The following ADAMTS6 variants were observed in gnomAD, a reference collection of about 807,000 sequenced individuals.
ADAMTS6 encodes the protein ADAM metallopeptidase with thrombospondin type 1 motif 6.
In ADAMTS6, 23 loss-of-function variants were observed where a neutral mutation model predicts 144.3. The observed-to-expected ratio is 0.16, with a 90% confidence interval of 0.11 to 0.23. The LOEUF (loss-of-function observed/expected upper bound fraction) is 0.23, where lower values mean the gene tolerates loss of function less well. Ranked by LOEUF, ADAMTS6 falls within the 10% of genes least tolerant of loss-of-function variation. ADAMTS6 has a pLI of 1.00. For synonymous variants in ADAMTS6, 444 were observed against 457.5 expected, an observed-to-expected ratio of 0.97 and a Z score of 0.38; for missense variants, 999 against 1,379.6, an observed-to-expected ratio of 0.72 and a Z score of 4.37.
chr5:65,441,360 C>T (rs1183523601), intron 7 of ADAMTS6, among the ~76,000 whole-genome samples: 3 of 152,012 alleles, frequency 2.0e-5, no homozygotes, highest in Non-Finnish European at 4.4e-5. Flanking sequence ...CCAAATATAT[C>T]TGCAATTAAA....
chr5:65,267,508 A>T lies in ADAMTS6; in HGVS notation c.1621-4546T>A, dbSNP rs1448586323. ...TTTCAACACAATCTAGAAAGATGGTATATTCCAGTCAGGCTTTAAGAGCCT... is the reference window on the plus strand; with the variant it reads ...TTTCAACACAATCTAGAAAGATGGTTTATTCCAGTCAGGCTTTAAGAGCCT... On this transcript the variant is annotated intron_variant, in intron 12 of 24. Transcript: ENST00000381055. Among the ~76,000 whole-genome samples, 7 of 152,152 alleles carry T rather than the reference A, an allele frequency of 4.6e-5. No homozygotes were observed. The South Asian group carries it at 1.4e-3, about 31-fold the overall frequency.
chr5:65,475,030 C>G (rs1760749221), intron 1 of ADAMTS6, among the ~76,000 whole-genome samples: 1 of 151,600 alleles, frequency 6.6e-6, no homozygotes, highest in Non-Finnish European at 1.5e-5. Context: ...GGAAAGTACA[C>G]AAAAGAGATT....
intron 14 of ADAMTS6, among the ~76,000 whole-genome samples, chr5:65,250,295 G>A (rs1435464915): frequency 6.6e-6 from 1 of 152,136 alleles, no homozygotes; most frequent in Non-Finnish European, 1.5e-5. Context: ...ATTTGCCAAG[G>A]TCAAATAGCA....
At chr5:65,437,034 G>C (rs116922976) in intron 7 of ADAMTS6, among the ~76,000 whole-genome samples, 2,675 of 152,126 alleles carry the variant, frequency 0.018, 177 homozygotes, top group East Asian at 0.17. Flanking sequence ...CATAGCAAAA[G>C]GTGAAAGACA....
chr5:65,283,633 T>A lies in ADAMTS6; in HGVS notation c.1512+7696A>T, dbSNP rs117523359. 1.1e-3 allele frequency among the ~76,000 whole-genome samples: 168 copies of A among 152,266 alleles called. No homozygotes were observed. The East Asian group carries it at 0.029, about 27-fold the overall frequency. ...AATATATGTTTGGATTTCAAAAGAA[T>A]ATTGAGGTGCTAAAATAATTACACA... On this transcript the variant is annotated intron_variant, in intron 11 of 24. Coordinates refer to ENST00000381055, the MANE Select transcript of ADAMTS6 (RefSeq NM_197941.4).
At chr5:65,379,272 C>T (rs759479943) in intron 7 of ADAMTS6, among the ~76,000 whole-genome samples, 52 of 152,074 alleles carry the variant, frequency 3.4e-4, no homozygotes, top group Non-Finnish European at 8.8e-5. Flanking sequence ...ATGGTGAATC[C>T]AAGTCTTTAA....
At chr5:65,151,988 T>A (rs760084959) in intron 24 of ADAMTS6, 43 bp from the exon 25 acceptor site, 104 of 1,525,526 alleles carry the variant, frequency 6.8e-5, no homozygotes, top group Non-Finnish European at 7.4e-5. Context: ...TAGAGGCACA[T>A]AAACAAGTAC....
intron 14 of ADAMTS6, among the ~76,000 whole-genome samples, chr5:65,248,952 TAAATACACCATAAAATTCA>T (rs1309926877): frequency 6.6e-6 from 1 of 152,192 alleles, no homozygotes; most frequent in East Asian, 1.9e-4. Flanking sequence ...CATAAATATA[TAAATACACCATAAAATTCA>T]TATTAAGAAA....
intron 9 of ADAMTS6, among the ~76,000 whole-genome samples, chr5:65,303,646 A>C (rs1472107214): frequency 6.6e-6 from 1 of 151,800 alleles, no homozygotes; most frequent in Non-Finnish European, 1.5e-5. Context: ...AATACTCTTA[A>C]GCATAAAATA....
At chr5:65,249,502 G>A (rs1201452883) in intron 14 of ADAMTS6, among the ~76,000 whole-genome samples, 1 of 152,116 alleles carries the variant, frequency 6.6e-6, no homozygotes, top group Non-Finnish European at 1.5e-5. Context: ...CTTGACCTTG[G>A]TGCAGTCTCT....
Position 65,160,886 on chromosome 5 carries a change from A to G in ADAMTS6, c.3245-8941T>C, listed in dbSNP as rs528895267. ...AGGCTGGTCTTGAACTCCTGATCTC[A>G]TGTGATCCACCCACCTCAGCCTCCC... On this transcript the variant is annotated intron_variant, in intron 24 of 24. Transcript: ENST00000381055. Among the ~76,000 whole-genome samples the G allele has an allele frequency of 3.4e-5, 5 of 147,054 alleles. No individual in the cohort carries two copies. The South Asian group carries it at 8.8e-4, about 26-fold the overall frequency.
At chr5:65,454,630 T>C (rs1049158382) in intron 4 of ADAMTS6, among the ~76,000 whole-genome samples, 1 of 152,206 alleles carries the variant, frequency 6.6e-6, no homozygotes, top group Non-Finnish European at 1.5e-5. Context: ...ATGCATGTGA[T>C]TTTGAGTATA....
At chr5:65,213,866 T>C (rs1364137462) in intron 20 of ADAMTS6, among the ~76,000 whole-genome samples, 1 of 152,170 alleles carries the variant, frequency 6.6e-6, no homozygotes, top group East Asian at 1.9e-4. Flanking sequence ...AAAATAAATA[T>C]CACTATTTAA....
chr5:65,216,102 T>C (rs770475674), intron 18 of ADAMTS6, among the ~76,000 whole-genome samples: 3 of 143,258 alleles, frequency 2.1e-5, no homozygotes, highest in Non-Finnish European at 4.7e-5. Flanking sequence ...TCCAAAAGAA[T>C]TGAAAACAGG....
chr5:65,245,187 T>G (rs1209013007), intron 14 of ADAMTS6, among the ~76,000 whole-genome samples: 2 of 152,186 alleles, frequency 1.3e-5, no homozygotes, highest in African/African-American at 4.8e-5. Context: ...CACTCATTCC[T>G]TACTCTTCTA....
intron 8 of ADAMTS6, among the ~76,000 whole-genome samples, chr5:65,332,843 A>T (rs1410766098): frequency 6.6e-6 from 1 of 152,152 alleles, no homozygotes; most frequent in Non-Finnish European, 1.5e-5. Flanking sequence ...CTCAGCAAAG[A>T]GAGCTCTGTC....
chr5:65,457,729 G>C (rs941568275), intron 4 of ADAMTS6, among the ~76,000 whole-genome samples: 44 of 142,028 alleles, frequency 3.1e-4, no homozygotes, highest in African/African-American at 6.5e-4. Context: ...TTGAATCCTA[G>C]TTTTTTTCTT....
chr5:65,233,120 CA>C lies in ADAMTS6; in HGVS notation c.1934-6902del, dbSNP rs201753384. The stretch of plus-strand genomic sequence containing the variant: ...ATCCAAATGATCATTGCAATAGATG[CA>C]AAAACAGCATCTGACAAAATTCAAC... On this transcript the variant is annotated intron_variant, in intron 15 of 24. Coordinates refer to ENST00000381055, the MANE Select transcript of ADAMTS6 (RefSeq NM_197941.4). 4.7e-3 allele frequency among the ~76,000 whole-genome samples: 719 copies of C among 152,026 alleles called. 3 individuals are homozygous for C. The highest frequency in any genetic ancestry group is 0.016 in the African/African-American group (673 of 41,472).
intron 24 of ADAMTS6, among the ~76,000 whole-genome samples, chr5:65,160,495 G>T (rs1752697483): frequency 6.6e-6 from 1 of 151,432 alleles, no homozygotes; most frequent in Admixed American, 6.6e-5. Context: ...TAGTAGAGAT[G>T]GGGTTTCACC....
Sources: gnomAD v4.1 joint callset for allele counts (sites outside exome capture counted in the v4.1 genomes callset) on GRCh38, gnomAD v4.1.1 for gene constraint, MANE v1.5 for transcripts, NCBI Gene and HGNC (gene_info 2026-07-23, HGNC 2026-07-21) for gene names.